SND1: variants seen among roughly 807,000 people sequenced by gnomAD.
The protein encoded by SND1 is staphylococcal nuclease domain-containing protein 1.
In SND1, 38 loss-of-function variants were observed where a neutral mutation model predicts 121.7. The ratio of observed to expected loss-of-function variants is 0.31; its 90% CI spans 0.24 to 0.41. SND1 has a LOEUF of 0.41. Among genes scored for constraint, SND1 ranks in the 10% least tolerant of loss-of-function variants. The pLI, the probability that SND1 is intolerant of heterozygous loss-of-function variation, is 1.00. For missense variants in SND1, 868 were observed against 1,184.6 expected, an observed-to-expected ratio of 0.73 and a Z score of 3.92; for synonymous variants, 401 against 447.4, an observed-to-expected ratio of 0.90 and a Z score of 1.31.
intron 3 of SND1, among the ~76,000 whole-genome samples, chr7:127,697,409 C>T (rs80182816): frequency 0.011 from 1,705 of 152,268 alleles, 29 homozygotes; most frequent in African/African-American, 0.039. Context: ...TCTGACTTAT[C>T]GGGTGTGCTG....
intron 13 of SND1, among the ~76,000 whole-genome samples, chr7:127,903,950 G>A (rs1187743470): frequency 6.6e-6 from 1 of 152,204 alleles, no homozygotes; most frequent in East Asian, 1.9e-4. Flanking sequence ...ACCTGCTGAT[G>A]TCTGCAGGCT....
intron 15 of SND1, among the ~76,000 whole-genome samples, chr7:127,953,856 G>A (rs1277766242): frequency 1.3e-5 from 2 of 152,078 alleles, no homozygotes; most frequent in South Asian, 2.1e-4. Flanking sequence ...CCTTTTCACG[G>A]TTCCTCTTCC....
intron 16 of SND1, among the ~76,000 whole-genome samples, chr7:128,040,229 C>T (rs937408890): frequency 2.6e-5 from 4 of 151,342 alleles, no homozygotes; most frequent in African/African-American, 4.9e-5. Context: ...TATTTCTTCA[C>T]GTTGTGATTT....
chr7:127,916,288 T>C (rs1479363296), intron 14 of SND1, among the ~76,000 whole-genome samples: 2 of 152,032 alleles, frequency 1.3e-5, no homozygotes, highest in East Asian at 1.9e-4. Flanking sequence ...GTTGATTGGA[T>C]TGGGGTCAAG....
intron 16 of SND1, among the ~76,000 whole-genome samples, chr7:127,995,517 T>C (rs1802627168): frequency 6.6e-6 from 1 of 152,208 alleles, no homozygotes. Flanking sequence ...AAGTGTAAAC[T>C]CCTAGGTTTT....
chr7:127,930,599 G>A (rs1009405092), intron 15 of SND1, among the ~76,000 whole-genome samples: 2 of 152,148 alleles, frequency 1.3e-5, no homozygotes, highest in African/African-American at 2.4e-5. Context: ...GGGCAGCTAC[G>A]CAAAAGAAGA....
At chr7:127,794,974 G>T (rs567371073) in intron 10 of SND1, among the ~76,000 whole-genome samples, 1 of 152,300 alleles carries the variant, frequency 6.6e-6, no homozygotes, top group South Asian at 2.1e-4. Context: ...AAAACCTTTA[G>T]ACCTGCTTTT....
intron 12 of SND1, among the ~76,000 whole-genome samples, chr7:127,846,838 A>T (rs1190162881): frequency 6.6e-6 from 1 of 152,202 alleles, no homozygotes; most frequent in Admixed American, 6.5e-5. Flanking sequence ...GCTCACTGCC[A>T]AAGAGAGGCC....
intron 10 of SND1, among the ~76,000 whole-genome samples, chr7:127,787,765 A>G (rs1797838184): frequency 6.6e-6 from 1 of 152,178 alleles, no homozygotes; most frequent in Non-Finnish European, 1.5e-5. Flanking sequence ...TAGATTTATT[A>G]TCTTTGAATT....
At chr7:127,729,877 A>T (rs1175744220) in intron 10 of SND1, among the ~76,000 whole-genome samples, 1 of 152,228 alleles carries the variant, frequency 6.6e-6, no homozygotes, top group Non-Finnish European at 1.5e-5. Context: ...CCAATTGCTT[A>T]GGCATATTTT....
At chr7:127,880,108 A>G (rs1001378454) in intron 12 of SND1, among the ~76,000 whole-genome samples, 4 of 152,178 alleles carry the variant, frequency 2.6e-5, no homozygotes, top group African/African-American at 7.2e-5. Context: ...CGGTGAAGAG[A>G]TATCTCACCT....
At chr7:127,895,340 A>G (rs2116746151) in intron 13 of SND1, among the ~76,000 whole-genome samples, 1 of 152,256 alleles carries the variant, frequency 6.6e-6, no homozygotes, top group South Asian at 2.1e-4. Context: ...CAAGCATCAT[A>G]GGAAGCGGTA....
At chr7:127,936,238 C>T (rs552123362) in intron 15 of SND1, among the ~76,000 whole-genome samples, 1 of 152,224 alleles carries the variant, frequency 6.6e-6, no homozygotes, top group Admixed American at 6.5e-5. Flanking sequence ...GCTGTGGCCT[C>T]CTCCTAAGCG....
At chr7:127,741,094 A>G (rs1796873983) in intron 10 of SND1, among the ~76,000 whole-genome samples, 1 of 152,180 alleles carries the variant, frequency 6.6e-6, no homozygotes, top group African/African-American at 2.4e-5. Flanking sequence ...AACCATTAAC[A>G]TAATAATAGT....
chr7:127,921,666 T>G (rs1800708173), intron 14 of SND1, among the ~76,000 whole-genome samples: 1 of 152,184 alleles, frequency 6.6e-6, no homozygotes, highest in African/African-American at 2.4e-5. Flanking sequence ...AAACGTATAT[T>G]TATGAAATCA....
intron 13 of SND1, among the ~76,000 whole-genome samples, chr7:127,900,118 C>T (rs937714978): frequency 6.6e-6 from 1 of 152,100 alleles, no homozygotes; most frequent in Non-Finnish European, 1.5e-5. Context: ...GTTGAAAGCT[C>T]CTGCTCCCTC....
At chr7:127,996,457 C>G (rs946464726) in intron 16 of SND1, among the ~76,000 whole-genome samples, 3 of 152,208 alleles carry the variant, frequency 2.0e-5, no homozygotes, top group African/African-American at 7.2e-5. Context: ...GGTGTATGCT[C>G]TCTTAGCCCT....
chr7:127,704,725 A>G, intron 7 of SND1, 114 bp from the exon 8 acceptor site: 1 of 876,496 alleles, frequency 1.1e-6, no homozygotes, highest in Non-Finnish European at 1.8e-6. Flanking sequence ...CAAACAAACA[A>G]ACAAACTGCA....
At chr7:127,696,829 CATT>C (rs1045118116) in intron 3 of SND1, among the ~76,000 whole-genome samples, 1 of 152,098 alleles carries the variant, frequency 6.6e-6, no homozygotes, top group African/African-American at 2.4e-5. Flanking sequence ...TATGTTAACA[CATT>C]AGTGTTTAGA....
Sources: gnomAD v4.1 joint callset for allele counts (sites outside exome capture counted in the v4.1 genomes callset) on GRCh38, gnomAD v4.1.1 for gene constraint, MANE v1.5 for transcripts, NCBI Gene and HGNC (gene_info 2026-07-23, HGNC 2026-07-21) for gene names.